The following CBFA2T3 variants were observed in gnomAD, a reference collection of about 807,000 sequenced individuals.
CBFA2T3 encodes the protein transcriptional corepressor CBFA2T3.
In CBFA2T3, 31 loss-of-function variants were observed where a neutral mutation model predicts 58.6. The ratio of observed to expected loss-of-function variants is 0.53; its 90% CI spans 0.40 to 0.71. The LOEUF is 0.71. Among genes scored for constraint, CBFA2T3 ranks in the 30% least tolerant of loss-of-function variants. CBFA2T3 has a pLI of 0.00. For synonymous variants in CBFA2T3, 531 were observed against 421.9 expected, an observed-to-expected ratio of 1.26 and a Z score of -3.17; for missense variants, 1,076 against 963.1, an observed-to-expected ratio of 1.12 and a Z score of -1.55.
intron 3 of CBFA2T3, among the ~76,000 whole-genome samples, chr16:88,894,210 A>C (rs1469370839): frequency 1.4e-5 from 2 of 140,206 alleles, no homozygotes; most frequent in African/African-American, 5.4e-5. Flanking sequence ...CAATGTACAC[A>C]CATGCACGCA....
At position 88,885,397 on chromosome 16, in the gene CBFA2T3, C is replaced by T; in HGVS notation, c.894-128G>A. On this transcript the variant is annotated intron_variant, in intron 6 of 11. Transcript: ENST00000268679. The surrounding 1 kb of genome is among the most constrained non-coding windows in gnomAD (Gnocchi z 5.3). ...AGGACACGTAAGGGCGAGACAGAAA[C>T]ACGGAGCAAAACACCAGCCCCGGGA... The T allele has an allele frequency of 1.6e-6, 1 of 606,068 alleles. No homozygotes were observed. Among genetic ancestry groups the T allele is most frequent in the South Asian group, 2.8e-5 (1 of 35,698 alleles). The allele number at this position is 606,068 out of a possible 1,614,324, so 37.5% of individuals were successfully genotyped here.
chr16:88,882,393 CTGTG>C (rs531201720), intron 8 of CBFA2T3, among the ~76,000 whole-genome samples: 24 of 146,406 alleles, frequency 1.6e-4, no homozygotes, highest in African/African-American at 4.6e-4. Context: ...ATGGGTATGG[CTGTG>C]TGTGTGGGTG....
At chr16:88,932,289 GCA>G (rs1426596226) in intron 1 of CBFA2T3, among the ~76,000 whole-genome samples, 4 of 148,478 alleles carry the variant, frequency 2.7e-5, no homozygotes, top group East Asian at 4.0e-4. Flanking sequence ...AACAGGCAGA[GCA>G]CACACTTCCA....
At position 88,925,072 on chromosome 16, in the gene CBFA2T3, G is replaced by C. The variant is rs913457969; in HGVS notation, c.152-23416C>G. ...ACCAGCCCAAGGGGGAAGCAGTGGAGAGAGAGGGACCCGCCCGGAATCACA... is the reference window on the plus strand; with the variant it reads ...ACCAGCCCAAGGGGGAAGCAGTGGACAGAGAGGGACCCGCCCGGAATCACA... On this transcript the variant is annotated intron_variant, in intron 1 of 11. Coordinates refer to ENST00000268679, the MANE Select transcript of CBFA2T3 (RefSeq NM_005187.6). Among the ~76,000 whole-genome samples the C allele has an allele frequency of 5.3e-5, 8 of 152,232 alleles. No homozygotes were observed. In the East Asian group the frequency reaches 1.5e-3, roughly 29 times the overall value.
At position 88,879,230 on chromosome 16, in the gene CBFA2T3, G is replaced by A. The variant is rs148234344; in HGVS notation, c.1662+40C>T. 2.3e-3 allele frequency: 3,496 copies of A among 1,539,270 alleles called. 73 individuals are homozygous for A. The African/African-American group carries it at 0.042, about 18-fold the overall frequency. ...GGTGGCGTGGGACCGCACGGGAGCCGAGGCAGGGGATGGGTGTCAGCGTGG... is the reference window on the plus strand; with the variant it reads ...GGTGGCGTGGGACCGCACGGGAGCCAAGGCAGGGGATGGGTGTCAGCGTGG... On this transcript the variant is annotated intron_variant, in intron 11 of 11. Transcript: ENST00000268679.
chr16:88,967,142 A>G (rs1370434280), intron 1 of CBFA2T3, among the ~76,000 whole-genome samples: 1 of 117,128 alleles, frequency 8.5e-6, no homozygotes, highest in East Asian at 2.9e-4. Context: ...CTCGGCCCCG[A>G]CACGCGGCAG....
In CBFA2T3 at chr16:88,933,979, G is replaced by C. The variant is rs1040348125; in HGVS notation, c.152-32323C>G. 3.3e-5 allele frequency among the ~76,000 whole-genome samples: 5 copies of C among 152,182 alleles called. No homozygotes were observed. The East Asian group carries it at 5.8e-4, about 18-fold the overall frequency. On this transcript the variant is annotated intron_variant, in intron 1 of 11. Transcript: ENST00000268679. ...AAATACCTCAGTCGCTTAAAAATCAGTGCATGTCGAAAATAATGAGTTTTG... is the reference window on the plus strand; with the variant it reads ...AAATACCTCAGTCGCTTAAAAATCACTGCATGTCGAAAATAATGAGTTTTG...
chr16:88,901,733 C>T, intron 1 of CBFA2T3, 77 bp from the exon 2 acceptor site: 4 of 1,329,832 alleles, frequency 3.0e-6, no homozygotes, highest in Non-Finnish European at 4.0e-6. Flanking sequence ...CCACGGTTCC[C>T]AGCGAAGGCC....
intron 1 of CBFA2T3, among the ~76,000 whole-genome samples, chr16:88,932,333 G>A (rs1331609991): frequency 6.6e-6 from 1 of 151,860 alleles, no homozygotes; most frequent in Non-Finnish European, 1.5e-5. Context: ...TGGACTCAAT[G>A]ACCATAAAAC....
At chr16:88,914,942 G>T (rs1469567267) in intron 1 of CBFA2T3, among the ~76,000 whole-genome samples, 1 of 151,904 alleles carries the variant, frequency 6.6e-6, no homozygotes, top group East Asian at 2.0e-4. Context: ...TGGGGGAGGT[G>T]GCCCCACAAT....
At chr16:88,883,950 A>C (rs1969245569) in intron 7 of CBFA2T3, 1 of 152,218 alleles carries the variant, frequency 6.6e-6, no homozygotes, top group African/African-American at 2.4e-5. Context: ...GCCCCTAAAG[A>C]TCTCCTAGCC....
intron 1 of CBFA2T3, among the ~76,000 whole-genome samples, chr16:88,952,590 C>T (rs1381980693): frequency 6.6e-6 from 1 of 152,120 alleles, no homozygotes. Flanking sequence ...TGCTGCTCGC[C>T]CCCATCGCCT....
intron 1 of CBFA2T3, among the ~76,000 whole-genome samples, chr16:88,924,865 G>C (rs1386828748): frequency 6.6e-6 from 1 of 152,232 alleles, no homozygotes; most frequent in Non-Finnish European, 1.5e-5. Flanking sequence ...GATGGAGGCC[G>C]CTGCCACCGC....
chr16:88,878,813 G>A (rs1049929795), intron 11 of CBFA2T3, among the ~76,000 whole-genome samples: 1 of 152,218 alleles, frequency 6.6e-6, no homozygotes, highest in Non-Finnish European at 1.5e-5. Flanking sequence ...AGGTGTGGTG[G>A]CGGGCGCCTG....
At chr16:88,964,427 A>G (rs2142870147) in intron 1 of CBFA2T3, among the ~76,000 whole-genome samples, 1 of 152,298 alleles carries the variant, frequency 6.6e-6, no homozygotes, top group South Asian at 2.1e-4. Context: ...GTGAGGCTTC[A>G]GTTAGGGTTA....
At position 88,957,399 on chromosome 16, in the gene CBFA2T3, C is replaced by T. The variant is rs115383330; in HGVS notation, c.151+19258G>A. Among the ~76,000 whole-genome samples, 646 of 152,364 alleles carry T rather than the reference C, an allele frequency of 4.2e-3. 5 individuals carry two copies. Among genetic ancestry groups the T allele is most frequent in the African/African-American group, 0.015 (622 of 41,584 alleles). On this transcript the variant is annotated intron_variant, in intron 1 of 11. Transcript: ENST00000268679. Reference sequence around the variant, plus strand: ...CTCTCCGTGGGGCTGTCACCTGACTCGGGATAACAGTGCTACTCACACAGC... The same window carrying T: ...CTCTCCGTGGGGCTGTCACCTGACTTGGGATAACAGTGCTACTCACACAGC...
intron 1 of CBFA2T3, among the ~76,000 whole-genome samples, chr16:88,908,989 G>A (rs559628845): frequency 1.3e-5 from 2 of 149,416 alleles, no homozygotes; most frequent in Admixed American, 1.3e-4. Context: ...GATCCTCTCC[G>A]TGGGTTTGGA....
At chr16:88,892,100 G>A in intron 4 of CBFA2T3, 129 bp from the exon 5 acceptor site, 1 of 1,355,996 alleles carries the variant, frequency 7.4e-7, no homozygotes, top group Non-Finnish European at 1.0e-6. Flanking sequence ...GGCACGGCCT[G>A]AGAGGGTGCA....
At chr16:88,888,208 G>C (rs553848838) in intron 5 of CBFA2T3, among the ~76,000 whole-genome samples, 3 of 151,810 alleles carry the variant, frequency 2.0e-5, no homozygotes, top group Admixed American at 6.5e-5. Context: ...CACTCTCTCC[G>C]GCCCCTCAGC....
Sources: allele counts gnomAD v4.1 joint callset (sites outside exome capture counted in the v4.1 genomes callset), GRCh38; gene constraint gnomAD v4.1.1; non-coding constraint Gnocchi (gnomAD v3.1); transcripts MANE v1.5; gene names NCBI Gene and HGNC (gene_info 2026-07-23, HGNC 2026-07-21).